Variants in CYP4F12 observed in about 807,000 individuals in gnomAD.
CYP4F12 encodes the protein cytochrome P450 family 4 subfamily F member 12.
A neutral mutation model predicts 56.5 loss-of-function variants in CYP4F12; 60 were observed. That is an observed-to-expected ratio of 1.06 (90% CI 0.86 to 1.32). CYP4F12 has a LOEUF of 1.32. CYP4F12 is among the 40% of genes most tolerant of loss of function. The pLI, the probability that CYP4F12 is intolerant of heterozygous loss-of-function variation, is 0.00. For missense variants in CYP4F12, 711 were observed against 683.5 expected (o/e 1.04, Z -0.45); for synonymous variants, 263 against 264.9 (o/e 0.99, Z 0.07).
At chr19:15,680,851 A>G (rs1022775373) in intron 5 of CYP4F12, 57 of 368,366 alleles carry the variant, frequency 1.5e-4, no homozygotes, top group African/African-American at 1.2e-3. Flanking sequence ...AAGGGTTTAC[A>G]ATTGCTAACG....
chr19:15,676,164 G>A (rs930580318), intron 2 of CYP4F12, among the ~76,000 whole-genome samples: 1 of 152,090 alleles, frequency 6.6e-6, no homozygotes. Flanking sequence ...GATGGGGTCT[G>A]GCGTCTCAGG....
chr19:15,690,557 T>G (rs599741), intron 9 of CYP4F12, among the ~76,000 whole-genome samples: 86,662 of 151,906 alleles, frequency 0.57, 25,066 homozygotes, highest in East Asian at 0.71. Flanking sequence ...GATCTCACAG[T>G]TAATTAAGGT....
At chr19:15,680,144 G>A in intron 3 of CYP4F12, 100 bp from the exon 4 acceptor site, 1 of 1,462,284 alleles carries the variant, frequency 6.8e-7, no homozygotes, top group Non-Finnish European at 9.2e-7. Context: ...CTGCTATGCT[G>A]GGCATGGAGT....
At chr19:15,691,558 T>G (rs2144756643) in intron 9 of CYP4F12, among the ~76,000 whole-genome samples, 1 of 152,292 alleles carries the variant, frequency 6.6e-6, no homozygotes, top group Non-Finnish European at 1.5e-5. Context: ...TAAATAAGAG[T>G]GAGAAAGAAC....
chr19:15,676,283 A>G, intron 2 of CYP4F12, among the ~76,000 whole-genome samples: 1 of 151,898 alleles, frequency 6.6e-6, no homozygotes, highest in African/African-American at 2.4e-5. Context: ...CGGCTCACTC[A>G]TTCCTCTCCT....
rs779531977 is a variant in CYP4F12, at chr19:15,696,215, C to T, written c.1304C>T (p.Pro435Leu). 5.0e-6 allele frequency: 8 copies of T among 1,614,066 alleles called. No individual in the cohort carries two copies. The highest frequency in any genetic ancestry group is 1.7e-5 in the Admixed American group (1 of 60,012). The change falls in exon 11 of 13, where the codon CCG (proline) becomes CTG (leucine). Residue 435 changes from proline to leucine, a missense_variant. Coordinates refer to ENST00000550308, the MANE Select transcript of CYP4F12 (RefSeq NM_023944.4). ...GTCCATCACAACCCAACTGTGTGGC[C>T]GGATCCTGAGGTGCTGCCTTCCCCA... ...IGVHHNPTVW[P>L]DPEVYDPFRF...
At chr19:15,680,930 G>T in intron 5 of CYP4F12, 1 of 313,878 alleles carries the variant, frequency 3.2e-6, no homozygotes, top group Non-Finnish European at 6.2e-6. Flanking sequence ...GAGCAGCTGT[G>T]GGTCGGGGGG....
chr19:15,679,480 G>T (rs909350029), intron 3 of CYP4F12, among the ~76,000 whole-genome samples: 1 of 1,510 alleles, frequency 6.6e-4, no homozygotes, highest in Non-Finnish European at 2.2e-3. Context: ...ATAAATAGCC[G>T]CCTATAGTTT....
chr19:15,673,698 CG>C lies in CYP4F12; in HGVS notation c.171del (p.Asn58ThrfsTer9). The C allele has an allele frequency of 6.2e-7, 1 of 1,614,134 alleles. No individual in the cohort carries two copies. On this transcript the variant is annotated frameshift_variant, in exon 2 of 13. Coordinates refer to ENST00000550308, the MANE Select transcript of CYP4F12 (RefSeq NM_023944.4). LOFTEE classifies it high-confidence loss of function. ...CCAGTGTTTCCCACAGCCCCCAAAACGGAACTGGTTTTGGGGTCACCTGGGC... is the reference window on the plus strand; with the variant it reads ...CCAGTGTTTCCCACAGCCCCCAAAACGAACTGGTTTTGGGGTCACCTGGGC... ...RLQCFPQPPK[R>X]NWFWGHLGLI...
Position 15,678,699 on chromosome 19 carries a change from A to G in CYP4F12, c.343+294A>G, listed in dbSNP as rs143188010. ...AATGGGCAAGAGAGAGATGGGTATG[A>G]CAACACAGAGAACTGGGTGTCTGCT... is the stretch of plus-strand genomic sequence containing the variant. On this transcript the variant is annotated intron_variant, in intron 3 of 12. Coordinates refer to ENST00000550308, the MANE Select transcript of CYP4F12 (RefSeq NM_023944.4). 7 of 342,520 alleles carry G rather than the reference A, an allele frequency of 2.0e-5. No homozygotes were observed. In the East Asian group the frequency reaches 3.2e-4, roughly 16 times the overall value. The allele number at this position is 342,520 out of a possible 1,614,324, so 21.2% of individuals were successfully genotyped here. A position where few individuals can be genotyped will look rare whatever the true frequency, so the allele number is the denominator to read the frequency against.
rs1466404568 is a variant in CYP4F12, at chr19:15,683,508, T to C, written c.663T>C (p.Tyr221=). The C allele has an allele frequency of 6.2e-7, 1 of 1,605,102 alleles. No homozygotes were observed. ...TGCTCTGCAGGAGGCCCAGTGAATA[T>C]ATTGCCACCATCTTGGAGCTCAGTG... ...DSHCQERPSE[Y]IATILELSAL... Residue 221 remains tyrosine (Y), a synonymous_variant, in exon 7 of 13, where the codon TAT becomes TAC. Transcript: ENST00000550308.
intron 9 of CYP4F12, among the ~76,000 whole-genome samples, chr19:15,695,540 T>TC (rs1271285548): frequency 6.6e-6 from 1 of 152,088 alleles, no homozygotes; most frequent in Non-Finnish European, 1.5e-5. Context: ...TCTCCTTTTT[T>TC]CCCTTGCCTA....
intron 12 of CYP4F12, 42 bp from the exon 13 acceptor site, chr19:15,696,866 G>C: frequency 6.4e-7 from 1 of 1,572,556 alleles, no homozygotes; most frequent in Non-Finnish European, 8.6e-7. Flanking sequence ...GGACCCAAAT[G>C]CGGGTCTTGG....
intron 9 of CYP4F12, among the ~76,000 whole-genome samples, chr19:15,694,460 G>T (rs1294184271): frequency 1.3e-5 from 2 of 149,570 alleles, no homozygotes; most frequent in African/African-American, 5.0e-5. Flanking sequence ...AGTTGTGAAT[G>T]GGAGTTCACT....
chr19:15,680,825 A>T, intron 5 of CYP4F12: 1 of 393,322 alleles, frequency 2.5e-6, no homozygotes, highest in East Asian at 6.3e-5. Context: ...TTCAGAACTC[A>T]TTGGCTTAGA....
rs1353818567 is a variant in CYP4F12, at chr19:15,678,488, C to T, written c.343+83C>T. 3.9e-6 allele frequency: 6 copies of T among 1,524,678 alleles called. No individual in the cohort carries two copies. The African/African-American group carries it at 6.8e-5, about 17-fold the overall frequency. 94.4% of individuals were successfully genotyped at this position (1,524,678 alleles called of 1,614,324 possible). A position where few individuals can be genotyped will look rare whatever the true frequency, so the allele number is the denominator to read the frequency against. On this transcript the variant is annotated intron_variant, in intron 3 of 12. Coordinates refer to ENST00000550308, the MANE Select transcript of CYP4F12 (RefSeq NM_023944.4). ...CAGTACCCACGTCCCTCCTTGAGTACTCGTGCCCCTCATTGAGACTTCCTT... is the reference window on the plus strand; with the variant it reads ...CAGTACCCACGTCCCTCCTTGAGTATTCGTGCCCCTCATTGAGACTTCCTT...
At position 15,688,367 on chromosome 19, in the gene CYP4F12, C is replaced by CA. The variant is rs57886955; in HGVS notation, c.1115+3183dup. Among the ~76,000 whole-genome samples, 1,247 of 146,730 alleles carry CA rather than the reference C, an allele frequency of 8.5e-3. 12 individuals carry two copies. Among genetic ancestry groups the CA allele is most frequent in the African/African-American group, 0.023 (933 of 40,036 alleles). ...AAACAAACAAACAAAAAAACAGTTGCAAAAAAAAAAAAATACCTAGGAATA... is the reference window on the plus strand; with the variant it reads ...AAACAAACAAACAAAAAAACAGTTGCAAAAAAAAAAAAAATACCTAGGAATA... On this transcript the variant is annotated intron_variant, in intron 9 of 12. Coordinates refer to ENST00000550308, the MANE Select transcript of CYP4F12 (RefSeq NM_023944.4).
At chr19:15,683,100 G>C (rs986816945) in intron 6 of CYP4F12, among the ~76,000 whole-genome samples, 3 of 152,104 alleles carry the variant, frequency 2.0e-5, no homozygotes, top group South Asian at 2.1e-4. Flanking sequence ...GACAGAGAGA[G>C]AGAGAGAGAA....
intron 9 of CYP4F12, among the ~76,000 whole-genome samples, chr19:15,693,046 C>G (rs1407747225): frequency 6.6e-6 from 1 of 152,106 alleles, no homozygotes; most frequent in Non-Finnish European, 1.5e-5. Context: ...TCACTGCACT[C>G]CAGCCTGAGC....
Sources: allele counts gnomAD v4.1 joint callset (sites outside exome capture counted in the v4.1 genomes callset), GRCh38; gene constraint gnomAD v4.1.1; transcripts MANE v1.5; gene names NCBI Gene and HGNC (gene_info 2026-07-23, HGNC 2026-07-21).